The following PTPN4 variants were observed in gnomAD, a reference collection of about 807,000 sequenced individuals.
PTPN4 encodes the protein protein tyrosine phosphatase non-receptor type 4.
A neutral mutation model predicts 135.5 loss-of-function variants in PTPN4; 49 were observed. That is an observed-to-expected ratio of 0.36 (90% CI 0.29 to 0.46). The LOEUF (loss-of-function observed/expected upper bound fraction) is 0.46, where lower values mean the gene tolerates loss of function less well. Among genes scored for constraint, PTPN4 ranks in the 20% least tolerant of loss-of-function variants. The pLI, the probability that PTPN4 is intolerant of heterozygous loss-of-function variation, is 1.00. For synonymous variants in PTPN4, 333 were observed against 369.9 expected (o/e 0.90, Z 1.14); for missense variants, 860 against 1,101.0 (o/e 0.78, Z 3.10).
intron 26 of PTPN4, 72 bp from the exon 27 acceptor site, chr2:119,976,912 C>T: frequency 6.5e-7 from 1 of 1,540,744 alleles, no homozygotes. Flanking sequence ...AGATGTTTGT[C>T]TTTTTTGGGG....
At chr2:119,892,664 G>T (rs1478240724) in intron 9 of PTPN4, among the ~76,000 whole-genome samples, 2 of 151,874 alleles carry the variant, frequency 1.3e-5, no homozygotes. Flanking sequence ...GGAGAGGAGA[G>T]TATTAGGGCA....
At chr2:119,918,361 ACT>A (rs991466681) in intron 11 of PTPN4, among the ~76,000 whole-genome samples, 8 of 152,314 alleles carry the variant, frequency 5.3e-5, no homozygotes, top group African/African-American at 1.2e-4. Context: ...AAAATTAATA[ACT>A]CTGTTCATCA....
At chr2:119,785,496 G>C (rs1691031158) in intron 1 of PTPN4, among the ~76,000 whole-genome samples, 1 of 152,040 alleles carries the variant, frequency 6.6e-6, no homozygotes, top group South Asian at 2.1e-4. Context: ...TGGCATAGTA[G>C]AGTTGTTAAA....
chr2:119,794,363 TAC>T (rs917213136), intron 1 of PTPN4, among the ~76,000 whole-genome samples: 1 of 152,184 alleles, frequency 6.6e-6, no homozygotes. Flanking sequence ...TGGCTCCCGC[TAC>T]CAGCCTGGAT....
At chr2:119,932,403 T>C (rs1007311880) in intron 13 of PTPN4, 21 bp from the exon 14 acceptor site, 1 of 1,551,966 alleles carries the variant, frequency 6.4e-7, no homozygotes, top group African/African-American at 1.4e-5. Flanking sequence ...TTTTAACATA[T>C]TATTTAATTT....
chr2:119,943,580 C>CTTTTTTTTTTTTTTTTTTTTT (rs70949374), intron 15 of PTPN4, among the ~76,000 whole-genome samples: 1 of 79,918 alleles, frequency 1.3e-5, no homozygotes, highest in African/African-American at 5.0e-5. Flanking sequence ...TCATTTTTTT[C>CTTTTTTTTTTTTTTTTTTTTT]TTTTTTTTTT....
At chr2:119,770,231 A>G (rs1690709206) in intron 1 of PTPN4, among the ~76,000 whole-genome samples, 1 of 152,254 alleles carries the variant, frequency 6.6e-6, no homozygotes, top group Non-Finnish European at 1.5e-5. Context: ...GTGTATAGCT[A>G]GAAATGGTAC....
At chr2:119,949,793 T>A (rs1362754526) in intron 18 of PTPN4, among the ~76,000 whole-genome samples, 1 of 152,036 alleles carries the variant, frequency 6.6e-6, no homozygotes, top group African/African-American at 2.4e-5. Context: ...TAGTGAGCTA[T>A]GATCACACCA....
intron 1 of PTPN4, among the ~76,000 whole-genome samples, chr2:119,806,710 G>A (rs760240107): frequency 3.9e-5 from 6 of 152,042 alleles, no homozygotes; most frequent in African/African-American, 7.2e-5. Flanking sequence ...TGAACTCAGC[G>A]CTGCACCAAG....
At position 119,962,759 on chromosome 2, in the gene PTPN4, T is replaced by G. The variant is rs773293077; in HGVS notation, c.2409+15T>G. Reference sequence around the variant, plus strand: ...TTAACCAAGAGGTAAGAAGGCAGGATATCTGTTCATTAGAACTGTTGTGTT... The same window carrying G: ...TTAACCAAGAGGTAAGAAGGCAGGAGATCTGTTCATTAGAACTGTTGTGTT... On this transcript the variant is annotated intron_variant, in intron 24 of 26. Coordinates refer to ENST00000263708, the MANE Select transcript of PTPN4 (RefSeq NM_002830.4). 3 of 1,545,940 alleles carry G rather than the reference T, an allele frequency of 1.9e-6. No individual in the cohort carries two copies. The highest frequency in any genetic ancestry group is 2.6e-6 in the Non-Finnish European group (3 of 1,135,230).
chr2:119,924,698 C>T (rs925702478), intron 12 of PTPN4, among the ~76,000 whole-genome samples: 8 of 147,410 alleles, frequency 5.4e-5, no homozygotes, highest in Non-Finnish European at 8.9e-5. Context: ...AAATATAAGC[C>T]TTTCTTTCAT....
chr2:119,931,731 C>A (rs1350288877), intron 13 of PTPN4, among the ~76,000 whole-genome samples: 2 of 151,966 alleles, frequency 1.3e-5, no homozygotes, highest in African/African-American at 4.8e-5. Context: ...TGAGCCACCT[C>A]GCGCATCCAA....
At chr2:119,880,883 T>C (rs1193361977) in intron 5 of PTPN4, among the ~76,000 whole-genome samples, 6 of 152,146 alleles carry the variant, frequency 3.9e-5, no homozygotes, top group Admixed American at 6.5e-5. Context: ...TCTTTGGTAA[T>C]TTGAATATTG....
intron 1 of PTPN4, among the ~76,000 whole-genome samples, chr2:119,772,393 A>G (rs1239646488): frequency 6.6e-6 from 1 of 152,208 alleles, no homozygotes; most frequent in Non-Finnish European, 1.5e-5. Flanking sequence ...GTTATATGCA[A>G]TTCTGAAATT....
At chr2:119,973,658 T>TTTTTTTTTTTTG (rs1679570457) in intron 26 of PTPN4, among the ~76,000 whole-genome samples, 1 of 80,642 alleles carries the variant, frequency 1.2e-5, no homozygotes, top group African/African-American at 3.6e-5. Flanking sequence ...ATTTCTTGTT[T>TTTTTTTTTTTTG]TTTTTTTTTT....
intron 2 of PTPN4, among the ~76,000 whole-genome samples, chr2:119,820,064 T>A (rs1173283507): frequency 6.6e-6 from 1 of 152,212 alleles, no homozygotes; most frequent in African/African-American, 2.4e-5. Flanking sequence ...TCTCACTATG[T>A]TGTTCAGGCT....
chr2:119,903,007 A>G (rs906499365), intron 10 of PTPN4, among the ~76,000 whole-genome samples: 1 of 152,154 alleles, frequency 6.6e-6, no homozygotes, highest in Admixed American at 6.5e-5. Context: ...TTCCCCACTG[A>G]CAACCCTCCA....
intron 2 of PTPN4, among the ~76,000 whole-genome samples, chr2:119,838,632 C>G (rs1449502895): frequency 6.6e-6 from 1 of 152,170 alleles, no homozygotes. Context: ...CCAGTCTCTT[C>G]ATCTTTAGAG....
chr2:119,954,334 C>T (rs914042405), intron 19 of PTPN4, among the ~76,000 whole-genome samples: 1 of 152,204 alleles, frequency 6.6e-6, no homozygotes, highest in Admixed American at 6.5e-5. Flanking sequence ...ACCAAAAGGA[C>T]ATGCCAAGCT....
Sources: allele counts gnomAD v4.1 joint callset (sites outside exome capture counted in the v4.1 genomes callset), GRCh38; gene constraint gnomAD v4.1.1; transcripts MANE v1.5; gene names NCBI Gene and HGNC (gene_info 2026-07-23, HGNC 2026-07-21).